MAN1A2: variants seen among roughly 807,000 people sequenced by gnomAD.
MAN1A2 encodes mannosidase alpha class 1A member 2, also known as mannosyl-oligosaccharide 1,2-alpha-mannosidase IB.
Under a neutral mutation model 75.7 loss-of-function variants are expected in MAN1A2, and 26 were observed. That is an observed-to-expected ratio of 0.34 (90% CI 0.25 to 0.48). The LOEUF is 0.48. Ranked by LOEUF, MAN1A2 falls within the 20% of genes least tolerant of loss-of-function variation. The probability of loss-of-function intolerance (pLI) is 0.99; values close to 1 mark genes in which losing one functional copy is unlikely to be tolerated. For synonymous variants in MAN1A2, 247 were observed against 264.6 expected (o/e 0.93, Z 0.65); for missense variants, 562 against 775.5 (o/e 0.72, Z 3.27).
intron 8 of MAN1A2, among the ~76,000 whole-genome samples, chr1:117,478,679 T>C (rs561975570): frequency 4.6e-5 from 7 of 152,016 alleles, no homozygotes; most frequent in Non-Finnish European, 1.0e-4. Flanking sequence ...TTTCCTTTTT[T>C]CACTGCATTG....
At chr1:117,423,857 T>C (rs1027055759) in intron 5 of MAN1A2, among the ~76,000 whole-genome samples, 1 of 151,706 alleles carries the variant, frequency 6.6e-6, no homozygotes, top group African/African-American at 2.4e-5. Flanking sequence ...AATGTGCAAT[T>C]GATTTTTCTT....
intron 5 of MAN1A2, among the ~76,000 whole-genome samples, chr1:117,436,015 G>A (rs1005463929): frequency 2.6e-5 from 4 of 152,174 alleles, no homozygotes; most frequent in Admixed American, 6.5e-5. Context: ...CCTAGATCAC[G>A]CTGTTGCACT....
intron 10 of MAN1A2, among the ~76,000 whole-genome samples, chr1:117,497,830 A>G (rs1024420400): frequency 2.6e-5 from 4 of 151,892 alleles, no homozygotes; most frequent in Non-Finnish European, 4.4e-5. Flanking sequence ...GTAATAGATA[A>G]TGAGCTCCCT....
intron 12 of MAN1A2, among the ~76,000 whole-genome samples, chr1:117,504,378 T>C (rs904268531): frequency 6.6e-6 from 1 of 151,186 alleles, no homozygotes; most frequent in Non-Finnish European, 1.5e-5. Flanking sequence ...TTGTGTCTTT[T>C]CACCTAGTTT....
intron 1 of MAN1A2, among the ~76,000 whole-genome samples, chr1:117,381,041 G>A (rs1292984785): frequency 6.6e-6 from 1 of 152,056 alleles, no homozygotes; most frequent in East Asian, 1.9e-4. Flanking sequence ...TTTCAGCAAT[G>A]TTTATGGTTT....
At chr1:117,392,343 CT>C (rs1185888838) in intron 1 of MAN1A2, among the ~76,000 whole-genome samples, 1 of 151,934 alleles carries the variant, frequency 6.6e-6, no homozygotes, top group Non-Finnish European at 1.5e-5. Flanking sequence ...AACTCTTATT[CT>C]TTTAATTTTT....
intron 5 of MAN1A2, among the ~76,000 whole-genome samples, chr1:117,435,629 T>C (rs1006643655): frequency 3.9e-5 from 6 of 152,188 alleles, no homozygotes; most frequent in Non-Finnish European, 8.8e-5. Context: ...TTGTATGTTA[T>C]GTATAGAAAA....
intron 1 of MAN1A2, among the ~76,000 whole-genome samples, chr1:117,400,493 T>C (rs1373812352): frequency 2.6e-5 from 4 of 151,954 alleles, no homozygotes; most frequent in Non-Finnish European, 5.9e-5. Flanking sequence ...CTCCCTTGTG[T>C]TATTCCTTTA....
Position 117,426,930 on chromosome 1 carries a change from C to G in MAN1A2, c.855+6281C>G, listed in dbSNP as rs978814310. ...GTCTTTTTATATATTGCAAGAGCCCCCTGCCCCACTTCTGGGATTCCAATT... is the reference window on the plus strand; with the variant it reads ...GTCTTTTTATATATTGCAAGAGCCCGCTGCCCCACTTCTGGGATTCCAATT... On this transcript the variant is annotated intron_variant, in intron 5 of 12. Coordinates refer to ENST00000356554, the MANE Select transcript of MAN1A2 (RefSeq NM_006699.5). Among the ~76,000 whole-genome samples, 5 of 152,196 alleles carry G rather than the reference C, an allele frequency of 3.3e-5. No individual in the cohort carries two copies. In the East Asian group the frequency reaches 9.7e-4, roughly 29 times the overall value.
intron 3 of MAN1A2, among the ~76,000 whole-genome samples, chr1:117,407,373 T>A (rs182520653): frequency 5.9e-5 from 9 of 152,340 alleles, no homozygotes; most frequent in East Asian, 5.8e-4. Context: ...TGAGTTTTTT[T>A]AATCTATTTT....
chr1:117,501,800 A>G (rs1651210084), intron 11 of MAN1A2, among the ~76,000 whole-genome samples: 1 of 151,774 alleles, frequency 6.6e-6, no homozygotes, highest in Non-Finnish European at 1.5e-5. Context: ...CAGAAGAGTA[A>G]GAAAAGTAGC....
chr1:117,376,740 TG>T (rs1418502869), intron 1 of MAN1A2, among the ~76,000 whole-genome samples: 2 of 152,234 alleles, frequency 1.3e-5, no homozygotes, highest in Non-Finnish European at 2.9e-5. Context: ...TCCACATGTG[TG>T]GATTCAACCA....
intron 5 of MAN1A2, among the ~76,000 whole-genome samples, chr1:117,426,468 T>G (rs1428625960): frequency 6.6e-6 from 1 of 152,188 alleles, no homozygotes; most frequent in East Asian, 1.9e-4. Flanking sequence ...TATGTCCTGA[T>G]AAACCCATTG....
At chr1:117,404,464 A>G (rs1276876253) in intron 2 of MAN1A2, among the ~76,000 whole-genome samples, 1 of 152,208 alleles carries the variant, frequency 6.6e-6, no homozygotes, top group Non-Finnish European at 1.5e-5. Context: ...AAGGGCTTCA[A>G]GTTTGGCTGA....
chr1:117,490,671 A>G (rs976166538), intron 8 of MAN1A2, among the ~76,000 whole-genome samples: 3 of 152,118 alleles, frequency 2.0e-5, no homozygotes, highest in African/African-American at 7.2e-5. Context: ...GCTAGATGTA[A>G]TTAAGCTTAG....
chr1:117,513,991 A>C (rs1397901870), intron 12 of MAN1A2, among the ~76,000 whole-genome samples: 1 of 152,184 alleles, frequency 6.6e-6, no homozygotes, highest in African/African-American at 2.4e-5. Flanking sequence ...CTTGATACCA[A>C]TTTGTGATAC....
At chr1:117,490,517 C>G (rs1297941100) in intron 8 of MAN1A2, among the ~76,000 whole-genome samples, 9 of 152,000 alleles carry the variant, frequency 5.9e-5, no homozygotes, top group Admixed American at 5.9e-4. Context: ...CTTTGGTCTC[C>G]CTATTCTTTG....
chr1:117,526,880 C>CTCTCTCTA lies in MAN1A2; in HGVS notation c.*3924_*3925insCTCTCTAT. The CTCTCTCTA allele has an allele frequency of 2.7e-3, 149 of 54,502 alleles. No homozygotes were observed. The highest frequency in any genetic ancestry group is 3.3e-3 in the African/African-American group (41 of 12,280). The allele number at this position is 54,502 out of a possible 1,614,324, so 3.4% of individuals were successfully genotyped here. On this transcript the variant is annotated 3_prime_UTR_variant, in exon 13 of 13. Coordinates refer to ENST00000356554, the MANE Select transcript of MAN1A2 (RefSeq NM_006699.5). ...TCTCTCTCTCTCTCTCTCTCTCTCTCTATATATATATATATATATATATAT... is the reference window on the plus strand; with the variant it reads ...TCTCTCTCTCTCTCTCTCTCTCTCTCTCTCTCTATATATATATATATATATATATATAT...
rs921196876 is a variant in MAN1A2, at chr1:117,466,369, T to C, written c.1110T>C (p.Asp370=). The C allele has an allele frequency of 1.9e-6, 3 of 1,611,940 alleles. No individual in the cohort carries two copies. Among genetic ancestry groups the C allele is most frequent in the Non-Finnish European group, 2.5e-6 (3 of 1,178,908 alleles). ...MHIRKLLQKM[D]RPNGLYPNYL... ...TTCGGAAACTACTTCAGAAAATGGA[T>C]CGTCCAAATGGTCTTTATCCAAATT... Residue 370 remains aspartate (D), a synonymous_variant, in exon 8 of 13, where the codon GAT becomes GAC. Coordinates refer to ENST00000356554, the MANE Select transcript of MAN1A2 (RefSeq NM_006699.5).
Sources: allele counts gnomAD v4.1 joint callset (sites outside exome capture counted in the v4.1 genomes callset), GRCh38; gene constraint gnomAD v4.1.1; transcripts MANE v1.5; gene names NCBI Gene and HGNC (gene_info 2026-07-23, HGNC 2026-07-21).